The following TRAPPC12 variants were observed in gnomAD, a reference collection of about 807,000 sequenced individuals.
TRAPPC12 encodes trafficking protein particle complex subunit 12.
Under a neutral mutation model 69.2 loss-of-function variants are expected in TRAPPC12, and 61 were observed. The ratio of observed to expected loss-of-function variants is 0.88; its 90% CI spans 0.72 to 1.09. The LOEUF is 1.09. Among genes scored for constraint, TRAPPC12 ranks in the 50% least tolerant of loss-of-function variants. TRAPPC12 has a pLI of 0.00. For synonymous variants in TRAPPC12, 469 were observed against 438.9 expected (o/e 1.07, Z -0.86); for missense variants, 1,101 against 1,016.4 (o/e 1.08, Z -1.13).
At chr2:3,460,908 C>T (rs116407271) in intron 8 of TRAPPC12, 3,344 of 153,258 alleles carry the variant, frequency 0.022, 55 homozygotes, top group Non-Finnish European at 0.035. Flanking sequence ...TTGGAACGCA[C>T]CCCACACCTG....
intron 5 of TRAPPC12, among the ~76,000 whole-genome samples, chr2:3,428,807 C>G (rs1182590218): frequency 6.6e-6 from 1 of 152,158 alleles, no homozygotes; most frequent in African/African-American, 2.4e-5. Context: ...CCCCGCGCCC[C>G]CGGAGCTGAG....
chr2:3,452,217 T>C (rs963195019), intron 6 of TRAPPC12, among the ~76,000 whole-genome samples: 7 of 152,126 alleles, frequency 4.6e-5, no homozygotes, highest in African/African-American at 1.7e-4. Context: ...GTTCCTGGCC[T>C]CATGGTTCTT....
At chr2:3,477,816 T>C in intron 10 of TRAPPC12, 21 bp downstream of exon 10, 4 of 1,527,816 alleles carry the variant, frequency 2.6e-6, no homozygotes, top group Non-Finnish European at 2.7e-6. Context: ...TAAAACTAAA[T>C]ATATGTTTTC....
At chr2:3,475,156 C>T (rs1439973494) in intron 9 of TRAPPC12, among the ~76,000 whole-genome samples, 1 of 152,152 alleles carries the variant, frequency 6.6e-6, no homozygotes, top group Non-Finnish European at 1.5e-5. Context: ...AGTGCAGTGG[C>T]ACAGGTATGA....
rs11127423 is a variant in TRAPPC12 at position 3,388,055 on chromosome 2, C to T, written c.432C>T (p.Ala144=). ...DAAREVPGSE[A]ARPEQEPPVA... is the part of the protein sequence containing the mutation. ...CCCGCGAGGTCCCAGGCAGCGAAGC[C>T]GCGCGCCCGGAGCAGGAGCCTCCCG... Residue 144 remains alanine, a synonymous_variant, in exon 2 of 12, where the codon GCC becomes GCT. Coordinates refer to ENST00000324266, the MANE Select transcript of TRAPPC12 (RefSeq NM_016030.6). 357,575 of 1,508,732 alleles carry T rather than the reference C, an allele frequency of 0.24. 45,193 individuals carry two copies. The highest frequency in any genetic ancestry group is 0.44 in the East Asian group (16,655 of 37,602). The allele number at this position is 1,508,732 out of a possible 1,614,324, so 93.5% of individuals were successfully genotyped here.
At chr2:3,421,633 T>C in intron 3 of TRAPPC12, 1 of 701,754 alleles carries the variant, frequency 1.4e-6, no homozygotes, top group Non-Finnish European at 2.7e-6. Context: ...TTGTAATGTT[T>C]TTATGATTTG....
intron 9 of TRAPPC12, among the ~76,000 whole-genome samples, chr2:3,476,977 T>C (rs1043504334): frequency 6.6e-6 from 1 of 152,258 alleles, no homozygotes; most frequent in African/African-American, 2.4e-5. Context: ...CATTTGTATC[T>C]ATTTCTTATT....
At chr2:3,393,113 T>TTA in intron 2 of TRAPPC12, among the ~76,000 whole-genome samples, 2 of 150,420 alleles carry the variant, frequency 1.3e-5, no homozygotes, top group South Asian at 2.1e-4. Flanking sequence ...TGTCTCTTTT[T>TTA]AAAAAAAAAA....
intron 5 of TRAPPC12, among the ~76,000 whole-genome samples, chr2:3,434,063 A>G (rs1223771152): frequency 6.6e-6 from 1 of 152,206 alleles, no homozygotes; most frequent in Non-Finnish European, 1.5e-5. Flanking sequence ...TGAGAGAATC[A>G]GCTTAAAGGT....
intron 2 of TRAPPC12, among the ~76,000 whole-genome samples, chr2:3,396,341 C>T (rs1406675682): frequency 6.6e-6 from 1 of 151,880 alleles, no homozygotes; most frequent in Admixed American, 6.6e-5. Flanking sequence ...ATCCTCGCTC[C>T]TCTGTACCTA....
intron 3 of TRAPPC12, among the ~76,000 whole-genome samples, chr2:3,404,452 C>CT (rs34800659): frequency 6.6e-6 from 1 of 152,080 alleles, no homozygotes; most frequent in South Asian, 2.1e-4. Flanking sequence ...CCAAAAAAAT[C>CT]TTTTTTTGGA....
At chr2:3,447,187 C>T (rs1368760175) in intron 6 of TRAPPC12, among the ~76,000 whole-genome samples, 1 of 152,030 alleles carries the variant, frequency 6.6e-6, no homozygotes, top group Non-Finnish European at 1.5e-5. Context: ...CAACCTCCAC[C>T]TCCCAGGTTC....
At position 3,387,909 on chromosome 2, in the gene TRAPPC12, G is replaced by A. The variant is rs751042635; in HGVS notation, c.286G>A (p.Gly96Arg). 6.5e-7 allele frequency: 1 copy of A among 1,545,604 alleles called. No homozygotes were observed. The stretch of plus-strand genomic sequence containing the variant: ...AGTGCGGGACGAAGCTGAGCCCGGA[G>A]GGGAAGGCGACCCAGGCCCGGAGCC... ...GRVRDEAEPG[G>R]EGDPGPEPAG... The change falls in exon 2 of 12, where the codon GGG (glycine) becomes AGG (arginine). Residue 96 changes from glycine (G) to arginine (R), a missense_variant. By Grantham distance (125) the Gly-to-Arg change is moderately radical (BLOSUM62 -2). Transcript: ENST00000324266.
chr2:3,419,908 G>A (rs574082796), intron 3 of TRAPPC12, among the ~76,000 whole-genome samples: 2 of 152,360 alleles, frequency 1.3e-5, no homozygotes, highest in South Asian at 4.1e-4. Context: ...CTCACTGCTA[G>A]GGAAGGCAAG....
chr2:3,475,047 T>G (rs1666238190), intron 9 of TRAPPC12, among the ~76,000 whole-genome samples: 1 of 152,224 alleles, frequency 6.6e-6, no homozygotes, highest in East Asian at 1.9e-4. Context: ...ATTTCTACTT[T>G]TACATTTCTG....
chr2:3,427,127 T>C (rs1244300489), intron 5 of TRAPPC12, among the ~76,000 whole-genome samples: 1 of 152,232 alleles, frequency 6.6e-6, no homozygotes, highest in Non-Finnish European at 1.5e-5. Flanking sequence ...GTAGCTATCA[T>C]AGTCAAGAAA....
At chr2:3,424,421 T>C (rs1288828986) in intron 4 of TRAPPC12, 104 bp from the exon 5 acceptor site, 2 of 972,238 alleles carry the variant, frequency 2.1e-6, no homozygotes, top group Admixed American at 5.2e-5. Flanking sequence ...GCCCTTATTT[T>C]AATATATGAG....
At chr2:3,404,078 G>A (rs575605219) in intron 3 of TRAPPC12, among the ~76,000 whole-genome samples, 5 of 152,274 alleles carry the variant, frequency 3.3e-5, no homozygotes, top group Admixed American at 6.5e-5. Flanking sequence ...TATGGATTGG[G>A]GACTGCCTGC....
At chr2:3,424,907 C>A (rs1194809538) in intron 5 of TRAPPC12, among the ~76,000 whole-genome samples, 2 of 152,256 alleles carry the variant, frequency 1.3e-5, no homozygotes, top group African/African-American at 2.4e-5. Context: ...AGCACCTGCT[C>A]TGTCAGGGCA....
Sources: allele counts gnomAD v4.1 joint callset (sites outside exome capture counted in the v4.1 genomes callset), GRCh38; gene constraint gnomAD v4.1.1; transcripts MANE v1.5; gene names NCBI Gene and HGNC (gene_info 2026-07-23, HGNC 2026-07-21).